The following ATP8A2 variants were observed in gnomAD, a reference collection of about 807,000 sequenced individuals.
The protein encoded by ATP8A2 is ATPase phospholipid transporting 8A2.
Under a neutral mutation model 165.6 loss-of-function variants are expected in ATP8A2, and 100 were observed. The observed-to-expected ratio is 0.60, with a 90% CI of 0.51 to 0.71. The LOEUF (loss-of-function observed/expected upper bound fraction) is 0.71. ATP8A2 is among the 30% of genes least tolerant of loss of function. ATP8A2 has a pLI of 0.00. For missense variants in ATP8A2, 1,227 were observed against 1,479.5 expected (o/e 0.83, Z 2.80); for synonymous variants, 543 against 548.8 (o/e 0.99, Z 0.15).
chr13:25,410,606 G>T lies in ATP8A2; in HGVS notation c.76+38318G>T, dbSNP rs556854961. Among the ~76,000 whole-genome samples, 27 of 152,330 alleles carry T rather than the reference G, an allele frequency of 1.8e-4. No individual in the cohort carries two copies. The South Asian group carries it at 5.4e-3, about 30-fold the overall frequency. On this transcript the variant is annotated intron_variant, in intron 1 of 36. Transcript: ENST00000381655. ...GTTTTTCAGTACTCCTGTGAGCAAG[G>T]CCCTGCGTAAGGGTCAGGTGTTCTG...
intron 24 of ATP8A2, among the ~76,000 whole-genome samples, chr13:25,653,963 C>T (rs1370870196): frequency 6.6e-6 from 1 of 152,080 alleles, no homozygotes; most frequent in Non-Finnish European, 1.5e-5. Flanking sequence ...AATGGGATAC[C>T]TCTGGAGGAG....
intron 2 of ATP8A2, among the ~76,000 whole-genome samples, chr13:25,505,644 C>T (rs1264353883): frequency 6.6e-6 from 1 of 152,194 alleles, no homozygotes; most frequent in Non-Finnish European, 1.5e-5. Flanking sequence ...ACGTACACAT[C>T]CCTGTTTCGC....
chr13:25,937,577 C>T (rs1333554413), intron 33 of ATP8A2, among the ~76,000 whole-genome samples: 3 of 150,658 alleles, frequency 2.0e-5, no homozygotes, highest in Non-Finnish European at 3.0e-5. Flanking sequence ...CAGGCGGGAG[C>T]GGTGGCTCAC....
At chr13:25,966,382 T>C (rs575694859) in intron 34 of ATP8A2, among the ~76,000 whole-genome samples, 4 of 152,340 alleles carry the variant, frequency 2.6e-5, no homozygotes, top group African/African-American at 9.6e-5. Context: ...CCTATAAATA[T>C]TAATTTTAGA....
chr13:25,652,987 G>A, intron 24 of ATP8A2, among the ~76,000 whole-genome samples: 1 of 152,162 alleles, frequency 6.6e-6, no homozygotes, highest in East Asian at 1.9e-4. Flanking sequence ...ATGACCTCCT[G>A]CTGTGTACTT....
chr13:25,877,566 G>A (rs1001616682), intron 33 of ATP8A2, among the ~76,000 whole-genome samples: 1 of 152,064 alleles, frequency 6.6e-6, no homozygotes. Context: ...GATGTCCTTG[G>A]CACCGACCTG....
At chr13:26,015,155 A>G (rs1956939830) in intron 36 of ATP8A2, among the ~76,000 whole-genome samples, 1 of 152,114 alleles carries the variant, frequency 6.6e-6, no homozygotes, top group African/African-American at 2.4e-5. Flanking sequence ...TACTGAATAA[A>G]TATAAGAAAT....
chr13:25,840,439 C>T (rs549892650), intron 30 of ATP8A2, among the ~76,000 whole-genome samples: 2 of 152,294 alleles, frequency 1.3e-5, no homozygotes, highest in East Asian at 1.9e-4. Flanking sequence ...ATGATTCATC[C>T]TCACTGATAT....
At chr13:25,731,363 G>GAGAGAGAGGA (rs1288163719) in intron 25 of ATP8A2, among the ~76,000 whole-genome samples, 1 of 136,674 alleles carries the variant, frequency 7.3e-6, no homozygotes, top group African/African-American at 2.8e-5. Flanking sequence ...GAAAGAGAGA[G>GAGAGAGAGGA]AGGAAGGAAG....
At chr13:25,592,028 G>GTTT (rs34939632) in intron 24 of ATP8A2, among the ~76,000 whole-genome samples, 6 of 145,470 alleles carry the variant, frequency 4.1e-5, no homozygotes, top group Admixed American at 1.4e-4. Context: ...GCCAACACTG[G>GTTT]TTTTTTTTTT....
chr13:25,723,548 T>A (rs1256151046), intron 25 of ATP8A2, among the ~76,000 whole-genome samples: 1 of 152,254 alleles, frequency 6.6e-6, no homozygotes, highest in Non-Finnish European at 1.5e-5. Flanking sequence ...CTGTATTGAT[T>A]TTAAACATCA....
intron 33 of ATP8A2, among the ~76,000 whole-genome samples, chr13:25,882,344 C>T (rs1349135639): frequency 6.6e-6 from 1 of 152,182 alleles, no homozygotes; most frequent in African/African-American, 2.4e-5. Flanking sequence ...ACTGCTCCCT[C>T]TTCTATTTTT....
intron 10 of ATP8A2, among the ~76,000 whole-genome samples, chr13:25,544,494 G>T (rs2038581823): frequency 6.6e-6 from 1 of 152,172 alleles, no homozygotes; most frequent in Admixed American, 6.5e-5. Context: ...AAACACATTG[G>T]AGACAGGGAG....
intron 2 of ATP8A2, among the ~76,000 whole-genome samples, chr13:25,478,671 A>G (rs2137566121): frequency 6.6e-6 from 1 of 152,298 alleles, no homozygotes; most frequent in South Asian, 2.1e-4. Context: ...AGTCACTCTG[A>G]TGGATTATTC....
At position 25,538,066 on chromosome 13, in the gene ATP8A2, GC is replaced by G; in HGVS notation, c.581+6del. The G allele has an allele frequency of 6.2e-7, 1 of 1,612,828 alleles. No individual in the cohort carries two copies. Among genetic ancestry groups the G allele is most frequent in the East Asian group, 2.2e-5 (1 of 44,876 alleles). ...TGTGGTCCTGCTGTCATCCAGGTTA[GC>G]TGTGCTAGTAGGCACCTTTTTTGCA... On this transcript the variant is annotated splice_donor_region_variant and intron_variant, in intron 7 of 36. Coordinates refer to ENST00000381655, the MANE Select transcript of ATP8A2 (RefSeq NM_016529.6).
At chr13:25,536,467 C>G (rs999673300) in intron 6 of ATP8A2, among the ~76,000 whole-genome samples, 1 of 152,136 alleles carries the variant, frequency 6.6e-6, no homozygotes, top group Non-Finnish European at 1.5e-5. Context: ...ACATCCATTG[C>G]TTTTGTACTG....
intron 33 of ATP8A2, among the ~76,000 whole-genome samples, chr13:25,883,210 G>A (rs1953037876): frequency 6.6e-6 from 1 of 152,000 alleles, no homozygotes; most frequent in Non-Finnish European, 1.5e-5. Flanking sequence ...CCTCTCCAGT[G>A]TGTGGCATGC....
At chr13:25,557,679 A>C (rs930077501) in intron 13 of ATP8A2, among the ~76,000 whole-genome samples, 19 of 152,184 alleles carry the variant, frequency 1.2e-4, no homozygotes, top group African/African-American at 4.6e-4. Flanking sequence ...CACAGTGTGC[A>C]GTATATAATT....
chr13:25,949,131 G>A (rs548645816), intron 33 of ATP8A2, among the ~76,000 whole-genome samples: 8 of 152,344 alleles, frequency 5.3e-5, no homozygotes, highest in Non-Finnish European at 1.0e-4. Flanking sequence ...GTGTCAGAGG[G>A]CGTGTGTTCA....
Sources: gnomAD v4.1 joint callset for allele counts (sites outside exome capture counted in the v4.1 genomes callset) on GRCh38, gnomAD v4.1.1 for gene constraint, MANE v1.5 for transcripts, NCBI Gene and HGNC (gene_info 2026-07-23, HGNC 2026-07-21) for gene names.